Variants in IBTK observed in about 807,000 individuals in gnomAD.
IBTK encodes the protein BTK-binding protein.
Under a neutral mutation model 154.9 loss-of-function variants are expected in IBTK, and 83 were observed. The observed-to-expected ratio is 0.54, with a 90% CI of 0.45 to 0.64. The LOEUF (loss-of-function observed/expected upper bound fraction) is 0.64. Among genes scored for constraint, IBTK ranks in the 30% least tolerant of loss-of-function variants. The pLI is 0.00. For missense variants in IBTK, 1,332 were observed against 1,584.6 expected (o/e 0.84, Z 2.71); for synonymous variants, 515 against 536.1 (o/e 0.96, Z 0.54).
chr6:82,226,670 A>C (rs551542888), intron 5 of IBTK, among the ~76,000 whole-genome samples: 45 of 151,702 alleles, frequency 3.0e-4, no homozygotes, highest in African/African-American at 1.1e-3. Context: ...GCAATGGCAC[A>C]ATCTCGGCTC....
intron 1 of IBTK, among the ~76,000 whole-genome samples, chr6:82,244,693 A>G (rs762988585): frequency 6.6e-6 from 1 of 152,154 alleles, no homozygotes; most frequent in Admixed American, 6.6e-5. Flanking sequence ...TCCAATGCCT[A>G]TTGTACTTCT....
At position 82,201,398 on chromosome 6, in the gene IBTK, A is replaced by G. The variant is rs747180338; in HGVS notation, c.2790+24T>C. 15 of 1,574,974 alleles carry G rather than the reference A, an allele frequency of 9.5e-6. No individual in the cohort carries two copies. In the South Asian group the frequency reaches 1.6e-4, roughly 17 times the overall value. ...TTAAGCTGGTAATATTATAGCCGCG[A>G]AAATCTTAAAACATAAACCTTACCA... On this transcript the variant is annotated intron_variant, in intron 19 of 28. Coordinates refer to ENST00000306270, the MANE Select transcript of IBTK (RefSeq NM_015525.4).
At chr6:82,206,616 G>C (rs1769423131) in intron 16 of IBTK, among the ~76,000 whole-genome samples, 3 of 152,110 alleles carry the variant, frequency 2.0e-5, no homozygotes, top group African/African-American at 7.2e-5. Flanking sequence ...CCAATATTAT[G>C]CTGATTCTAA....
chr6:82,240,651 C>T lies in IBTK; in HGVS notation c.-165G>A, dbSNP rs753845269. The T allele has an allele frequency of 1.3e-5, 7 of 545,580 alleles. No individual in the cohort carries two copies. Among genetic ancestry groups the T allele is most frequent in the African/African-American group, 1.1e-4 (6 of 52,434 alleles). 33.8% of individuals were successfully genotyped at this position (545,580 alleles called of 1,614,324 possible). ...TAGTATAAAACTATATATCTTTATACAATTTTTTGGCACTTAAATCAAAAA... is the reference window on the plus strand; with the variant it reads ...TAGTATAAAACTATATATCTTTATATAATTTTTTGGCACTTAAATCAAAAA... On this transcript the variant is annotated 5_prime_UTR_variant, in exon 2 of 29. Transcript: ENST00000306270.
At position 82,212,511 on chromosome 6, in the gene IBTK, T is replaced by G. The variant is rs185100445; in HGVS notation, c.2291+196A>C. On this transcript the variant is annotated intron_variant, in intron 13 of 28. Transcript: ENST00000306270. ...AGTCATCGGAAAGAAAAAACTCCTT[T>G]GATGTCTTCAGCAGTTAATATTTTA... Among the ~76,000 whole-genome samples the G allele has an allele frequency of 3.2e-3, 485 of 152,292 alleles. 1 individual carries two copies. The Middle Eastern group carries it at 0.034, about 11-fold the overall frequency.
At position 82,196,334 on chromosome 6, in the gene IBTK, A is replaced by G. The variant is rs1768984837; in HGVS notation, c.3138T>C (p.Pro1046=). The G allele has an allele frequency of 6.2e-7, 1 of 1,608,668 alleles. No homozygotes were observed. Among genetic ancestry groups the G allele is most frequent in the South Asian group, 1.1e-5 (1 of 89,698 alleles). ...CTGAATGAAATCCTGTTGTGAAATC[A>G]GGGGACTGTAAATCTCTAGGACTAC... ...GVGSPRDLQS[P]DFTTGFHSDK... The change falls in exon 22 of 29, where the codon CCT becomes CCC. Residue 1046 remains proline (P), a synonymous_variant. Coordinates refer to ENST00000306270, the MANE Select transcript of IBTK (RefSeq NM_015525.4).
At chr6:82,199,746 G>C (rs1244571369) in intron 21 of IBTK, among the ~76,000 whole-genome samples, 1 of 152,082 alleles carries the variant, frequency 6.6e-6, no homozygotes, top group Non-Finnish European at 1.5e-5. Context: ...TCCTTAGTTT[G>C]GCATATAAGA....
intron 27 of IBTK, 196 bp from the exon 28 acceptor site, chr6:82,172,708 A>C (rs937425965): frequency 3.6e-6 from 2 of 550,316 alleles, no homozygotes; most frequent in African/African-American, 1.9e-5. Context: ...ATTTTCTCTG[A>C]AATACTCTTT....
At chr6:82,234,870 T>C (rs1353463312) in intron 2 of IBTK, among the ~76,000 whole-genome samples, 1 of 152,068 alleles carries the variant, frequency 6.6e-6, no homozygotes, top group Non-Finnish European at 1.5e-5. Flanking sequence ...GAACTTTTTT[T>C]TGCAGGGGGG....
intron 20 of IBTK, 105 bp from the exon 21 acceptor site, chr6:82,200,358 T>C (rs1252535666): frequency 8.1e-6 from 7 of 859,002 alleles, no homozygotes; most frequent in Non-Finnish European, 1.1e-5. Context: ...TTTTAAAATA[T>C]TTACACTTTC....
chr6:82,213,955 G>A (rs201818172), intron 12 of IBTK, among the ~76,000 whole-genome samples: 1 of 149,858 alleles, frequency 6.7e-6, no homozygotes, highest in East Asian at 2.0e-4. Context: ...AAAAGGGTGG[G>A]ATTTTTTTTT....
intron 1 of IBTK, among the ~76,000 whole-genome samples, chr6:82,243,151 G>A (rs1227183983): frequency 6.6e-6 from 1 of 151,050 alleles, no homozygotes; most frequent in African/African-American, 2.4e-5. Flanking sequence ...TGAGGCAGGA[G>A]AATGGCGTGA....
Position 82,211,362 on chromosome 6 carries a change from CT to C in IBTK, c.2412+4del. The C allele has an allele frequency of 1.9e-6, 3 of 1,597,972 alleles. No individual in the cohort carries two copies. The highest frequency in any genetic ancestry group is 1.1e-5 in the South Asian group (1 of 87,210). On this transcript the variant is annotated splice_donor_region_variant and intron_variant, in intron 15 of 28. Transcript: ENST00000306270. ...CAACCTAGGCGCTTTTTACTTAAATCTTACCTCAATCCATGAGCTACTCAGC... is the reference window on the plus strand; with the variant it reads ...CAACCTAGGCGCTTTTTACTTAAATCTACCTCAATCCATGAGCTACTCAGC...
intron 26 of IBTK, among the ~76,000 whole-genome samples, chr6:82,181,644 C>A (rs896938428): frequency 1.4e-5 from 2 of 147,640 alleles, no homozygotes; most frequent in Non-Finnish European, 3.0e-5. Flanking sequence ...TACGCTGAAA[C>A]TACAGAATGT....
chr6:82,225,684 C>T (rs765190865), intron 5 of IBTK, 37 bp from the exon 6 acceptor site: 10 of 1,453,984 alleles, frequency 6.9e-6, no homozygotes, highest in Non-Finnish European at 9.5e-6. Context: ...ACTACATTAA[C>T]CATTTATACA....
intron 21 of IBTK, among the ~76,000 whole-genome samples, chr6:82,199,704 G>A (rs938088677): frequency 6.6e-6 from 1 of 152,072 alleles, no homozygotes; most frequent in Non-Finnish European, 1.5e-5. Context: ...ATCATCAACA[G>A]CCACCCATAG....
intron 16 of IBTK, chr6:82,210,485 T>C (rs1467241499): frequency 6.5e-6 from 1 of 152,760 alleles, no homozygotes; most frequent in African/African-American, 2.4e-5. Context: ...GAAAACCTTT[T>C]TCTGCTCCTT....
At chr6:82,195,580 CA>C (rs57301763) in intron 22 of IBTK, among the ~76,000 whole-genome samples, 11 of 142,988 alleles carry the variant, frequency 7.7e-5, no homozygotes, top group Non-Finnish European at 7.7e-5. Context: ...GACCCTGTCT[CA>C]AAAAAAAAAA....
intron 26 of IBTK, among the ~76,000 whole-genome samples, chr6:82,173,762 G>A (rs1367967244): frequency 1.3e-5 from 2 of 149,564 alleles, no homozygotes; most frequent in African/African-American, 2.5e-5. Flanking sequence ...TATACTTTAT[G>A]AGCAAAGGAT....
Sources: gnomAD v4.1 joint callset for allele counts (sites outside exome capture counted in the v4.1 genomes callset) on GRCh38, gnomAD v4.1.1 for gene constraint, MANE v1.5 for transcripts, NCBI Gene and HGNC (gene_info 2026-07-23, HGNC 2026-07-21) for gene names.